Variants in IRF6 observed in about 807,000 individuals in gnomAD.
IRF6 encodes interferon regulatory factor 6.
A neutral mutation model predicts 51.4 loss-of-function variants in IRF6; 6 were observed. The observed-to-expected ratio is 0.12, with a 90% CI of 0.06 to 0.23. The LOEUF is 0.23. Ranked by LOEUF, IRF6 falls within the 10% of genes least tolerant of loss-of-function variation. The pLI, the probability that IRF6 is intolerant of heterozygous loss-of-function variation, is 1.00. For synonymous variants in IRF6, 178 were observed against 215.7 expected, an observed-to-expected ratio of 0.83 and a Z score of 1.53; for missense variants, 348 against 585.2, an observed-to-expected ratio of 0.59 and a Z score of 4.18.
rs2077845973 is a variant in IRF6 at position 209,788,261 on chromosome 1, T to C, written c.*159A>G. On this transcript the variant is annotated 3_prime_UTR_variant, in exon 9 of 9. Coordinates refer to ENST00000367021, the MANE Select transcript of IRF6 (RefSeq NM_006147.4). ...CAAAGTCTGAAGGGTGATTTTTCCATAAATTAAATCAGCTTTAAATCTAGG... is the reference window on the plus strand; with the variant it reads ...CAAAGTCTGAAGGGTGATTTTTCCACAAATTAAATCAGCTTTAAATCTAGG... 1.6e-6 allele frequency: 1 copy of C among 629,156 alleles called. No homozygotes were observed. Among genetic ancestry groups the C allele is most frequent in the Non-Finnish European group, 2.8e-6 (1 of 362,892 alleles). The allele number at this position is 629,156 out of a possible 1,614,324, so 39.0% of individuals were successfully genotyped here.
intron 5 of IRF6, chr1:209,793,166 T>C (rs2077879495): frequency 6.6e-6 from 1 of 152,334 alleles, no homozygotes; most frequent in East Asian, 1.9e-4. Context: ...CAATTCTTCA[T>C]CCTCTGCCCC....
Position 209,786,427 on chromosome 1 carries a change from C to A in IRF6, c.*1993G>T, listed in dbSNP as rs2102532872. 6.6e-6 allele frequency: 1 copy of A among 152,282 alleles called. No homozygotes were observed. Among genetic ancestry groups the A allele is most frequent in the Middle Eastern group, 3.4e-3 (1 of 294 alleles). 9.4% of individuals were successfully genotyped at this position (152,282 alleles called of 1,614,324 possible). ...GGGCTCCCACCCAGGCTACAGATAG[C>A]CTGGCTGTTAGCACTTCACAGAAGG... On this transcript the variant is annotated 3_prime_UTR_variant, in exon 9 of 9. Transcript: ENST00000367021.
chr1:209,789,735 T>C lies in IRF6; in HGVS notation c.1111A>G (p.Ile371Val). The change falls in exon 8 of 9, where the codon ATC becomes GTC. Residue 371 changes from isoleucine (I) to valine (V), a missense_variant. Ile to Val is a conservative substitution (Grantham distance 29). Coordinates refer to ENST00000367021, the MANE Select transcript of IRF6 (RefSeq NM_006147.4). The part of the protein sequence containing the change: ...GQIEKQPPFE[I>V]YLCFGEEWPD... ...CATTCTTCCCCAAAGCATAAGTAGA[T>C]CTCAAACGGTGGCTGCTTCTCTATC... 1.9e-6 allele frequency: 3 copies of C among 1,614,132 alleles called. No individual in the cohort carries two copies. The highest frequency in any genetic ancestry group is 2.5e-6 in the Non-Finnish European group (3 of 1,179,994).
chr1:209,788,071 C>T lies in IRF6; in HGVS notation c.*349G>A. ...GCAATTTCAGGCACTACTCCAATCTCTTCACTTTATAAGCAATAAATCTGA... is the reference window on the plus strand; with the variant it reads ...GCAATTTCAGGCACTACTCCAATCTTTTCACTTTATAAGCAATAAATCTGA... On this transcript the variant is annotated 3_prime_UTR_variant, in exon 9 of 9. Coordinates refer to ENST00000367021, the MANE Select transcript of IRF6 (RefSeq NM_006147.4). The T allele has an allele frequency of 3.2e-6, 1 of 315,706 alleles. No individual in the cohort carries two copies. Among genetic ancestry groups the T allele is most frequent in the Non-Finnish European group, 6.0e-6 (1 of 166,590 alleles). The allele number at this position is 315,706 out of a possible 1,614,324, so 19.6% of individuals were successfully genotyped here.
chr1:209,789,377 A>G (rs1341749787), intron 8 of IRF6, among the ~76,000 whole-genome samples: 1 of 114,128 alleles, frequency 8.8e-6, no homozygotes, highest in African/African-American at 3.3e-5. Context: ...GTGTGTGTGT[A>G]TTTGTGTGTG....
At chr1:209,803,695 A>G (rs1181607673) in intron 1 of IRF6, among the ~76,000 whole-genome samples, 1 of 152,118 alleles carries the variant, frequency 6.6e-6, no homozygotes, top group Admixed American at 6.6e-5. Context: ...CCCACTCACC[A>G]CCCAGTAACT....
intron 1 of IRF6, among the ~76,000 whole-genome samples, chr1:209,803,330 G>A (rs951989686): frequency 6.6e-6 from 1 of 152,224 alleles, no homozygotes; most frequent in Non-Finnish European, 1.5e-5. Context: ...ACTGGTAAGT[G>A]CTGTGTTTGG....
In IRF6 at chr1:209,801,408, G is replaced by A; in HGVS notation, c.6C>T (p.Ala2=). ...TTAGCCGGACTCTGCGGGGGTGGAG[G>A]GCCATGATCTGGGGGGGTCAGAGGG... M[A]LHPRRVRLKP... is the part of the protein sequence containing the mutation. The change falls in exon 3 of 9, where the codon GCC becomes GCT. Residue 2 remains alanine (A), a synonymous_variant. Coordinates refer to ENST00000367021, the MANE Select transcript of IRF6 (RefSeq NM_006147.4). The A allele has an allele frequency of 1.3e-6, 2 of 1,594,272 alleles. No individual in the cohort carries two copies. Among genetic ancestry groups the A allele is most frequent in the South Asian group, 1.1e-5 (1 of 88,500 alleles).
At chr1:209,803,220 A>G (rs1263137689) in intron 1 of IRF6, among the ~76,000 whole-genome samples, 1 of 152,194 alleles carries the variant, frequency 6.6e-6, no homozygotes. Context: ...TCCTATCACT[A>G]CTGAAAGGGG....
Position 209,786,114 on chromosome 1 carries a change from C to G in IRF6, c.*2306G>C, listed in dbSNP as rs1159926869. 6.6e-6 allele frequency: 1 copy of G among 152,010 alleles called. No homozygotes were observed. The highest frequency in any genetic ancestry group is 1.5e-5 in the Non-Finnish European group (1 of 68,018). The allele number at this position is 152,010 out of a possible 1,614,324, so 9.4% of individuals were successfully genotyped here. On this transcript the variant is annotated 3_prime_UTR_variant, in exon 9 of 9. Transcript: ENST00000367021. ...TCAAGGGAGTGAGTGGTGGTAGCCA[C>G]CAAAGGAGATAGCAGACTGAGGCCC...
chr1:209,800,613 G>T (rs2077934773), intron 3 of IRF6, among the ~76,000 whole-genome samples: 1 of 152,020 alleles, frequency 6.6e-6, no homozygotes, highest in Admixed American at 6.6e-5. Context: ...ACAAAAATTA[G>T]CCAGGCGTGG....
intron 3 of IRF6, among the ~76,000 whole-genome samples, chr1:209,800,324 C>A (rs1236127408): frequency 6.6e-6 from 1 of 152,172 alleles, no homozygotes; most frequent in Non-Finnish European, 1.5e-5. Flanking sequence ...GTGATTAAAT[C>A]TTGTTTTCAG....
Position 209,792,424 on chromosome 1 carries a change from G to A in IRF6, c.512C>T (p.Ser171Phe). 6.2e-7 allele frequency: 1 copy of A among 1,613,980 alleles called. No individual in the cohort carries two copies. The change falls in exon 6 of 9, where the codon TCT becomes TTT. Residue 171 changes from serine (S) to phenylalanine (F), a missense_variant. By Grantham distance (155) the Ser-to-Phe change is radical. Coordinates refer to ENST00000367021, the MANE Select transcript of IRF6 (RefSeq NM_006147.4). Reference protein sequence around the residue: ...DTFPFLNINGSPMAPASVGNC... With the variant: ...DTFPFLNINGFPMAPASVGNC... ...GCCCACACTGGCTGGCGCCATGGGA[G>A]AACCTAAAACAAAAGCATATGGTGA... is the stretch of plus-strand genomic sequence containing the variant.
At chr1:209,797,295 G>T (rs57031909) in intron 3 of IRF6, among the ~76,000 whole-genome samples, 1 of 151,038 alleles carries the variant, frequency 6.6e-6, no homozygotes, top group East Asian at 1.9e-4. Context: ...ACTTGAACCC[G>T]GGAGGTGGAG....
intron 1 of IRF6, among the ~76,000 whole-genome samples, chr1:209,802,621 G>A (rs979919922): frequency 5.9e-5 from 9 of 152,150 alleles, no homozygotes; most frequent in East Asian, 1.9e-4. Flanking sequence ...AAACACTGAC[G>A]CTCCATGTTC....
At position 209,790,666 on chromosome 1, in the gene IRF6, C is replaced by A. The variant is rs779827384; in HGVS notation, c.889G>T (p.Val297Phe). 1 of 1,614,234 alleles carries A rather than the reference C, an allele frequency of 6.2e-7. No homozygotes were observed. Among genetic ancestry groups the A allele is most frequent in the Non-Finnish European group, 8.5e-7 (1 of 1,180,040 alleles). ...QKLFTSKLLD[V>F]MDRGLILEVS... ...TCCAGGATCAGTCCTCTGTCCATGA[C>A]GTCCAGCAGCTTGCTAGTGAACAGC... The change falls in exon 7 of 9, where the codon GTC (valine) becomes TTC (phenylalanine). Residue 297 changes from valine (V) to phenylalanine (F), a missense_variant. Around this residue, in one of 5 missense-constraint regions of IRF6, gnomAD observed 125 missense variants for 222.0 expected, o/e 0.56. Transcript: ENST00000367021. This position sits in a 1 kb window ranked among gnomAD's most constrained non-coding sequence, Gnocchi z 4.8.
chr1:209,793,056 AAAG>A (rs373755162), intron 5 of IRF6: 5,322 of 132,736 alleles, frequency 0.04, 126 homozygotes, highest in African/African-American at 0.07. Context: ...AGGTTTAAAA[AAAG>A]AAAAAAGAGT....
At chr1:209,803,378 T>C (rs946269113) in intron 1 of IRF6, among the ~76,000 whole-genome samples, 2 of 152,152 alleles carry the variant, frequency 1.3e-5, no homozygotes, top group African/African-American at 4.8e-5. Flanking sequence ...TGACTGATAG[T>C]GGACTGGAAG....
Position 209,790,489 on chromosome 1 carries a change from A to C in IRF6, c.1060+6T>G. On this transcript the variant is annotated splice_donor_region_variant and intron_variant, in intron 7 of 8. Coordinates refer to ENST00000367021, the MANE Select transcript of IRF6 (RefSeq NM_006147.4). This position sits in a 1 kb window ranked among gnomAD's most constrained non-coding sequence, Gnocchi z 4.8. ...CCCACGATCAACTTTCTGAGAAATG[A>C]CTTACCGCTAAGGAATGTTTCCAGA... The C allele has an allele frequency of 6.2e-7, 1 of 1,613,572 alleles. No individual in the cohort carries two copies. The highest frequency in any genetic ancestry group is 8.5e-7 in the Non-Finnish European group (1 of 1,179,994).
Sources: gnomAD v4.1 joint callset for allele counts (sites outside exome capture counted in the v4.1 genomes callset) on GRCh38, gnomAD v4.1.1 for gene constraint, gnomAD v4.1.1 regional missense constraint, Gnocchi (gnomAD v3.1) non-coding constraint, MANE v1.5 for transcripts, NCBI Gene and HGNC (gene_info 2026-07-23, HGNC 2026-07-21) for gene names.